Variants in DSCAM observed in about 807,000 individuals in gnomAD.
DSCAM encodes the protein DS cell adhesion molecule.
DSCAM carries 47 observed loss-of-function variants against 217.7 expected under a neutral mutation model. The observed-to-expected ratio is 0.22, with a 90% confidence interval of 0.17 to 0.28. DSCAM has a LOEUF of 0.28. Among genes scored for constraint, DSCAM ranks in the 10% least tolerant of loss-of-function variants. The pLI is 1.00. For missense variants in DSCAM, 2,080 were observed against 2,618.3 expected (o/e 0.79, Z 4.49); for synonymous variants, 1,056 against 1,015.3 (o/e 1.04, Z -0.76).
At chr21:40,165,631 C>T (rs1231982013) in intron 16 of DSCAM, among the ~76,000 whole-genome samples, 1 of 152,166 alleles carries the variant, frequency 6.6e-6, no homozygotes, top group African/African-American at 2.4e-5. Flanking sequence ...CTTTTAAAGC[C>T]TCAGAAGTTT....
chr21:40,382,618 C>T (rs76191879), intron 3 of DSCAM, among the ~76,000 whole-genome samples: 3,763 of 152,276 alleles, frequency 0.025, 53 homozygotes, highest in Non-Finnish European at 0.038. Context: ...AATATGTATA[C>T]TTACAAGAAC....
At chr21:40,225,645 T>G (rs1160383896) in intron 11 of DSCAM, among the ~76,000 whole-genome samples, 4 of 152,104 alleles carry the variant, frequency 2.6e-5, no homozygotes, top group Non-Finnish European at 5.9e-5. Flanking sequence ...AGTGCAGACC[T>G]TGTTGATAAA....
rs576418559 is a variant in DSCAM, at chr21:40,808,778, T to C, written c.43+37841A>G. Among the ~76,000 whole-genome samples, 6 of 152,176 alleles carry C rather than the reference T, an allele frequency of 3.9e-5. No homozygotes were observed. The South Asian group carries it at 1.0e-3, about 26-fold the overall frequency. On this transcript the variant is annotated intron_variant, in intron 1 of 32. Coordinates refer to ENST00000400454, the MANE Select transcript of DSCAM (RefSeq NM_001389.5). ...GCATGTGCCACCATGCCCAGGCCCA[T>C]TCTCATAAAGTTGAAGAAGACTTTG...
chr21:40,599,888 C>G lies in DSCAM; in HGVS notation c.508+92922G>C, dbSNP rs1029076735. Among the ~76,000 whole-genome samples the G allele has an allele frequency of 1.2e-4, 18 of 152,168 alleles. 1 individual carries two copies. Among genetic ancestry groups the G allele is most frequent in the Admixed American group, 1.2e-3 (18 of 15,288 alleles). ...GGATAAATTCCTGGACACATACACC[C>G]TCCCAAGATGAAACCAGGAAGAAGT... On this transcript the variant is annotated intron_variant, in intron 3 of 32. Transcript: ENST00000400454.
At chr21:40,372,234 G>A (rs1831611605) in intron 3 of DSCAM, among the ~76,000 whole-genome samples, 1 of 152,180 alleles carries the variant, frequency 6.6e-6, no homozygotes, top group African/African-American at 2.4e-5. Flanking sequence ...AGGTTTCCAT[G>A]TCATATGGAT....
At chr21:40,149,209 C>T (rs2090393062) in intron 16 of DSCAM, among the ~76,000 whole-genome samples, 1 of 152,048 alleles carries the variant, frequency 6.6e-6, no homozygotes, top group South Asian at 2.1e-4. Flanking sequence ...CCACAACCAT[C>T]CATCATTCCA....
At chr21:40,735,885 C>T (rs148391194) in intron 1 of DSCAM, among the ~76,000 whole-genome samples, 5 of 152,234 alleles carry the variant, frequency 3.3e-5, no homozygotes, top group Middle Eastern at 3.4e-3. Flanking sequence ...CACTCACTAC[C>T]CAGAGGTAGT....
intron 1 of DSCAM, among the ~76,000 whole-genome samples, chr21:40,826,871 T>C (rs1328464471): frequency 6.6e-6 from 1 of 152,128 alleles, no homozygotes; most frequent in African/African-American, 2.4e-5. Flanking sequence ...GGATCTGGAT[T>C]TGAGCTCAGA....
intron 1 of DSCAM, among the ~76,000 whole-genome samples, chr21:40,724,489 GGA>G (rs1399729965): frequency 6.6e-6 from 1 of 152,104 alleles, no homozygotes; most frequent in Non-Finnish European, 1.5e-5. Flanking sequence ...GCAAAGAGTT[GGA>G]GAGAGAGGGA....
chr21:40,324,423 C>CA lies in DSCAM; in HGVS notation c.1784-12065dup, dbSNP rs886338891. 1.3e-3 allele frequency among the ~76,000 whole-genome samples: 194 copies of CA among 151,584 alleles called. 1 individual carries two copies. The highest frequency in any genetic ancestry group is 4.2e-3 in the African/African-American group (173 of 41,352). Reference sequence around the variant, plus strand: ...GCAGTGTCTCCTTCCAATGCACTTCCAAAAAAAATGGATGCCCTGCAATAT... The same window carrying CA: ...GCAGTGTCTCCTTCCAATGCACTTCCAAAAAAAAATGGATGCCCTGCAATAT... On this transcript the variant is annotated intron_variant, in intron 8 of 32. Coordinates refer to ENST00000400454, the MANE Select transcript of DSCAM (RefSeq NM_001389.5).
intron 3 of DSCAM, among the ~76,000 whole-genome samples, chr21:40,601,330 T>C (rs1437277659): frequency 2.6e-5 from 4 of 152,204 alleles, no homozygotes; most frequent in Non-Finnish European, 4.4e-5. Flanking sequence ...TGCTGGTACA[T>C]TGGAAAGCAA....
intron 16 of DSCAM, among the ~76,000 whole-genome samples, chr21:40,148,060 A>G (rs1157281884): frequency 6.6e-6 from 1 of 152,206 alleles, no homozygotes; most frequent in Non-Finnish European, 1.5e-5. Flanking sequence ...GCAATATCAT[A>G]GGGTAAGTTA....
At chr21:40,556,191 T>A (rs191706459) in intron 3 of DSCAM, among the ~76,000 whole-genome samples, 139 of 152,346 alleles carry the variant, frequency 9.1e-4, no homozygotes, top group African/African-American at 3.0e-3. Context: ...TGAGATTCTA[T>A]GTATTTAGTT....
intron 2 of DSCAM, among the ~76,000 whole-genome samples, chr21:40,696,867 G>GT (rs1194020269): frequency 4.3e-4 from 65 of 152,194 alleles, no homozygotes; most frequent in African/African-American, 1.3e-3. Context: ...TAAAATCAGG[G>GT]TAATTGGAAT....
intron 3 of DSCAM, among the ~76,000 whole-genome samples, chr21:40,654,944 C>A (rs1275042250): frequency 6.6e-6 from 1 of 152,132 alleles, no homozygotes; most frequent in Non-Finnish European, 1.5e-5. Flanking sequence ...AGATTTTCCA[C>A]CAGGGGTTAA....
At chr21:40,843,365 T>C (rs910324265) in intron 1 of DSCAM, among the ~76,000 whole-genome samples, 3 of 114,512 alleles carry the variant, frequency 2.6e-5, no homozygotes, top group Non-Finnish European at 1.7e-5. Flanking sequence ...CAGGAATGCA[T>C]GCATGTGTGT....
chr21:40,336,724 T>G (rs946185038), intron 8 of DSCAM, among the ~76,000 whole-genome samples: 6 of 152,320 alleles, frequency 3.9e-5, no homozygotes, highest in Middle Eastern at 3.4e-3. Context: ...TACCATTAGG[T>G]GTTTTCTGGT....
chr21:40,619,584 C>T (rs545663714), intron 3 of DSCAM, among the ~76,000 whole-genome samples: 1 of 152,212 alleles, frequency 6.6e-6, no homozygotes, highest in Non-Finnish European at 1.5e-5. Context: ...TTACATTATT[C>T]ATTCTTAGTG....
At chr21:40,372,218 C>T (rs2074905877) in intron 3 of DSCAM, among the ~76,000 whole-genome samples, 1 of 152,188 alleles carries the variant, frequency 6.6e-6, no homozygotes, top group Admixed American at 6.5e-5. Context: ...TACCTTATGC[C>T]ACCAAAGGTT....
Sources: allele counts gnomAD v4.1 joint callset (sites outside exome capture counted in the v4.1 genomes callset), GRCh38; gene constraint gnomAD v4.1.1; transcripts MANE v1.5; gene names NCBI Gene and HGNC (gene_info 2026-07-23, HGNC 2026-07-21).